The following FLNB variants were observed in gnomAD, a reference collection of about 807,000 sequenced individuals.
The protein encoded by FLNB is filamin-B.
A neutral mutation model predicts 250.6 loss-of-function variants in FLNB; 111 were observed. The ratio of observed to expected loss-of-function variants is 0.44; its 90% CI spans 0.38 to 0.52. The LOEUF (loss-of-function observed/expected upper bound fraction) is 0.52. FLNB is among the 20% of genes least tolerant of loss of function. The pLI is 0.00. For synonymous variants in FLNB, 1,302 were observed against 1,372.1 expected, an observed-to-expected ratio of 0.95 and a Z score of 1.13; for missense variants, 2,869 against 3,447.8, an observed-to-expected ratio of 0.83 and a Z score of 4.20.
intron 1 of FLNB, among the ~76,000 whole-genome samples, chr3:58,017,233 TTTA>T: frequency 6.6e-6 from 1 of 152,184 alleles, no homozygotes. Context: ...AGTATCACAA[TTTA>T]TTATTCTATT....
Position 58,124,405 on chromosome 3 carries a change from C to A in FLNB, c.3798C>A (p.Ile1266=). The part of the protein sequence containing the change: ...RPLTQVGGDH[I]KAHIANPSGA... ...TGACCCAGGTTGGGGGTGACCACAT[C>A]AAGGCCCACATTGCCAACCCCTCAG... Residue 1266 remains isoleucine, a synonymous_variant, in exon 22 of 46, where the codon ATC becomes ATA. Coordinates refer to ENST00000295956, the MANE Select transcript of FLNB (RefSeq NM_001457.4). 1 of 1,614,240 alleles carries A rather than the reference C, an allele frequency of 6.2e-7. No individual in the cohort carries two copies. The highest frequency in any genetic ancestry group is 8.5e-7 in the Non-Finnish European group (1 of 1,180,034).
At chr3:58,033,696 G>A (rs2097134112) in intron 1 of FLNB, among the ~76,000 whole-genome samples, 1 of 152,120 alleles carries the variant, frequency 6.6e-6, no homozygotes, top group Non-Finnish European at 1.5e-5. Flanking sequence ...CTGCCAGTAT[G>A]TACTCTTTTT....
chr3:58,099,837 T>A (rs1470913784), intron 8 of FLNB, among the ~76,000 whole-genome samples: 1 of 152,164 alleles, frequency 6.6e-6, no homozygotes, highest in Non-Finnish European at 1.5e-5. Flanking sequence ...TCTGTGCAGG[T>A]GTTATTATTA....
chr3:58,052,520 G>C (rs934827239), intron 1 of FLNB, among the ~76,000 whole-genome samples: 1 of 152,114 alleles, frequency 6.6e-6, no homozygotes, highest in Non-Finnish European at 1.5e-5. Flanking sequence ...GGGGAAACAG[G>C]GCCTTTGGTC....
At chr3:58,067,458 G>A (rs2097187286) in intron 1 of FLNB, among the ~76,000 whole-genome samples, 1 of 152,056 alleles carries the variant, frequency 6.6e-6, no homozygotes, top group South Asian at 2.1e-4. Context: ...TTGTCTACTT[G>A]TATTTTACTG....
chr3:58,056,483 A>T (rs1379215141), intron 1 of FLNB, among the ~76,000 whole-genome samples: 1 of 152,160 alleles, frequency 6.6e-6, no homozygotes, highest in East Asian at 1.9e-4. Flanking sequence ...TTCACACTTT[A>T]AAAAAAGTGT....
At position 58,099,361 on chromosome 3, in the gene FLNB, G is replaced by A. The variant is rs551734144; in HGVS notation, c.1345+453G>A. Among the ~76,000 whole-genome samples, 6 of 152,252 alleles carry A rather than the reference G, an allele frequency of 3.9e-5. No homozygotes were observed. In the South Asian group the frequency reaches 8.3e-4, roughly 21 times the overall value. On this transcript the variant is annotated intron_variant, in intron 8 of 45. Transcript: ENST00000295956. ...TGCTATTATTATCCCTAGCTTGCAG[G>A]TGGAGATGCTGAGGCTTAGATAGCG...
chr3:58,153,436 AGAG>A lies in FLNB; in HGVS notation c.6430_6432del (p.Glu2144del). ...GCCCCTCTGGCCGTGTGACTGAGGC[AGAG>A]ATTGTGCCCATGGGGAAGAACTCAC... On this transcript the variant is annotated inframe_deletion, in exon 39 of 46. Transcript: ENST00000295956. 3 of 1,614,174 alleles carry A rather than the reference AGAG, an allele frequency of 1.9e-6. No homozygotes were observed. The highest frequency in any genetic ancestry group is 2.5e-6 in the Non-Finnish European group (3 of 1,179,998).
intron 25 of FLNB, chr3:58,131,948 C>A: frequency 6.5e-7 from 1 of 1,537,132 alleles, no homozygotes; most frequent in South Asian, 1.2e-5. Flanking sequence ...GATTCCCAGT[C>A]ATGGCGCAGC....
chr3:58,012,636 A>C (rs2097100684), intron 1 of FLNB, among the ~76,000 whole-genome samples: 1 of 152,158 alleles, frequency 6.6e-6, no homozygotes. Flanking sequence ...GGCAGGATGA[A>C]TCCTCTGGGC....
intron 1 of FLNB, among the ~76,000 whole-genome samples, chr3:58,049,935 G>A (rs529804158): frequency 2.0e-5 from 3 of 152,106 alleles, no homozygotes; most frequent in East Asian, 1.9e-4. Context: ...GGAGGACCCC[G>A]TGGATGGGGG....
At position 58,124,393 on chromosome 3, in the gene FLNB, G is replaced by A. The variant is rs745730174; in HGVS notation, c.3786G>A (p.Gly1262=). ...ACTCTCGGCCGCTGACCCAGGTTGGGGGTGACCACATCAAGGCCCACATTG... is the reference window on the plus strand; with the variant it reads ...ACTCTCGGCCGCTGACCCAGGTTGGAGGTGACCACATCAAGGCCCACATTG... ...TVDSRPLTQV[G]GDHIKAHIAN... Residue 1262 remains glycine (G), a synonymous_variant, in exon 22 of 46, where the codon GGG becomes GGA. Transcript: ENST00000295956. 8.1e-6 allele frequency: 13 copies of A among 1,614,216 alleles called. No homozygotes were observed. The highest frequency in any genetic ancestry group is 1.1e-5 in the Non-Finnish European group (13 of 1,180,038).
Position 58,098,889 on chromosome 3 carries a change from C to T in FLNB, c.1326C>T (p.Phe442=), listed in dbSNP as rs368128453. 15 of 1,613,846 alleles carry T rather than the reference C, an allele frequency of 9.3e-6. No individual in the cohort carries two copies. Among genetic ancestry groups the T allele is most frequent in the East Asian group, 8.9e-5 (4 of 44,890 alleles). The change falls in exon 8 of 46, where the codon TTC becomes TTT. Residue 442 remains phenylalanine, a synonymous_variant. Transcript: ENST00000295956. ...GGGACACTATTCCTAAGAGTCCCTT[C>T]GTTGTGCAGGTTGGGGAAGGTGAGT... ...FAGDTIPKSP[F]VVQVGEACNP... is the part of the protein sequence containing the mutation.
At chr3:58,093,585 A>G (rs1195579108) in intron 4 of FLNB, among the ~76,000 whole-genome samples, 2 of 152,046 alleles carry the variant, frequency 1.3e-5, no homozygotes, top group Non-Finnish European at 2.9e-5. Flanking sequence ...CTCTGGAACC[A>G]GGGGCAGAGA....
intron 31 of FLNB, among the ~76,000 whole-genome samples, chr3:58,143,048 T>G (rs558342950): frequency 6.6e-6 from 1 of 152,368 alleles, no homozygotes; most frequent in Admixed American, 6.5e-5. Flanking sequence ...GGGTTCTTGT[T>G]TGCCCCTTTT....
chr3:58,020,685 C>T (rs549808851), intron 1 of FLNB, among the ~76,000 whole-genome samples: 94 of 149,954 alleles, frequency 6.3e-4, no homozygotes, highest in African/African-American at 2.0e-3. Context: ...CAGCCTTTAC[C>T]ATGCCAGACA....
chr3:58,027,656 T>C (rs2106742670), intron 1 of FLNB, among the ~76,000 whole-genome samples: 1 of 152,324 alleles, frequency 6.6e-6, no homozygotes, highest in East Asian at 1.9e-4. Context: ...GCCCCATCTA[T>C]AAAATGGGAG....
At chr3:58,069,276 G>C (rs111950172) in intron 1 of FLNB, among the ~76,000 whole-genome samples, 8,430 of 119,350 alleles carry the variant, frequency 0.071, 825 homozygotes, top group African/African-American at 0.24. Context: ...GTCTTGCTCT[G>C]TTGCCCAGGC....
intron 4 of FLNB, among the ~76,000 whole-genome samples, chr3:58,087,437 C>T (rs2097218998): frequency 6.6e-6 from 1 of 151,862 alleles, no homozygotes; most frequent in African/African-American, 2.4e-5. Flanking sequence ...GTGCAGTGCT[C>T]TCTACATCTG....
Sources: gnomAD v4.1 joint callset for allele counts (sites outside exome capture counted in the v4.1 genomes callset) on GRCh38, gnomAD v4.1.1 for gene constraint, MANE v1.5 for transcripts, NCBI Gene and HGNC (gene_info 2026-07-23, HGNC 2026-07-21) for gene names.